The following PTPRD variants were observed in gnomAD, a reference collection of about 807,000 sequenced individuals.
PTPRD encodes receptor-type tyrosine-protein phosphatase delta.
PTPRD carries 34 observed loss-of-function variants against 214.5 expected under a neutral mutation model. The ratio of observed to expected loss-of-function variants is 0.16; its 90% CI spans 0.12 to 0.21. The LOEUF (loss-of-function observed/expected upper bound fraction) is 0.21. Among genes scored for constraint, PTPRD ranks in the 10% least tolerant of loss-of-function variants. The pLI is 1.00. For missense variants in PTPRD, 2,545 were observed against 2,398.7 expected, an observed-to-expected ratio of 1.06 and a Z score of -1.27; for synonymous variants, 1,128 against 845.7, an observed-to-expected ratio of 1.33 and a Z score of -5.79.
intron 11 of PTPRD, among the ~76,000 whole-genome samples, chr9:8,906,984 T>C (rs1488151862): frequency 2.0e-5 from 3 of 152,018 alleles, no homozygotes; most frequent in Non-Finnish European, 2.9e-5. Context: ...AAGGGCCCAG[T>C]GGAAAGTAAA....
At chr9:8,557,159 G>A (rs1318911388) in intron 14 of PTPRD, among the ~76,000 whole-genome samples, 1 of 151,962 alleles carries the variant, frequency 6.6e-6, no homozygotes, top group African/African-American at 2.4e-5. Flanking sequence ...TCTGTTAGCC[G>A]AGGTACAGGG....
rs139487333 is a variant in PTPRD at position 10,268,923 on chromosome 9, G to T, written c.-545+72040C>A. On this transcript the variant is annotated intron_variant, in intron 3 of 45. Transcript: ENST00000381196. Reference sequence around the variant, plus strand: ...ATTGGCATTATTTGTTGTCCTGTGCGTTGTAGAATGCCTGGCAGTATCCCT... The same window carrying T: ...ATTGGCATTATTTGTTGTCCTGTGCTTTGTAGAATGCCTGGCAGTATCCCT... Among the ~76,000 whole-genome samples, 72 of 152,274 alleles carry T rather than the reference G, an allele frequency of 4.7e-4. 1 individual carries two copies. The highest frequency in any genetic ancestry group is 1.5e-3 in the African/African-American group (62 of 41,556).
intron 10 of PTPRD, among the ~76,000 whole-genome samples, chr9:9,054,744 T>G (rs1303153365): frequency 1.3e-5 from 2 of 152,186 alleles, no homozygotes; most frequent in African/African-American, 2.4e-5. Flanking sequence ...GTTGTGTGAT[T>G]TGGTAACTCG....
At chr9:9,811,339 G>A (rs561789121) in intron 5 of PTPRD, among the ~76,000 whole-genome samples, 9 of 152,300 alleles carry the variant, frequency 5.9e-5, no homozygotes, top group African/African-American at 2.2e-4. Flanking sequence ...TACAAGTGGA[G>A]CCTGAAGATG....
intron 3 of PTPRD, among the ~76,000 whole-genome samples, chr9:10,076,023 G>A (rs997418822): frequency 6.6e-5 from 10 of 152,034 alleles, no homozygotes; most frequent in Admixed American, 2.0e-4. Flanking sequence ...TTGAGTTCCT[G>A]ACAAAGGTTA....
chr9:10,517,609 T>C (rs536439025), intron 2 of PTPRD, among the ~76,000 whole-genome samples: 1 of 152,142 alleles, frequency 6.6e-6, no homozygotes, highest in Non-Finnish European at 1.5e-5. Context: ...TTATGTGTAG[T>C]ATATATATGA....
At chr9:8,842,200 A>C (rs1239716292) in intron 11 of PTPRD, among the ~76,000 whole-genome samples, 3 of 152,136 alleles carry the variant, frequency 2.0e-5, no homozygotes, top group Admixed American at 6.5e-5. Flanking sequence ...ACAGAAATTT[A>C]TAATGTGAAA....
intron 5 of PTPRD, among the ~76,000 whole-genome samples, chr9:9,873,278 T>C (rs1490137976): frequency 6.6e-6 from 1 of 152,152 alleles, no homozygotes; most frequent in African/African-American, 2.4e-5. Flanking sequence ...AGCTCTCTGC[T>C]TTCAGTGGTG....
At chr9:10,184,297 C>A (rs759183667) in intron 3 of PTPRD, among the ~76,000 whole-genome samples, 1 of 151,972 alleles carries the variant, frequency 6.6e-6, no homozygotes, top group Non-Finnish European at 1.5e-5. Flanking sequence ...TGGTGGCATG[C>A]GCCTGTAATC....
intron 11 of PTPRD, among the ~76,000 whole-genome samples, chr9:8,868,612 ATTATCT>A (rs2098240845): frequency 6.6e-6 from 1 of 152,120 alleles, no homozygotes; most frequent in Non-Finnish European, 1.5e-5. Context: ...ACTAGACTAG[ATTATCT>A]TTAAAGTTGT....
chr9:8,691,901 T>C, intron 12 of PTPRD, among the ~76,000 whole-genome samples: 1 of 152,168 alleles, frequency 6.6e-6, no homozygotes, highest in East Asian at 1.9e-4. Context: ...AGTCTTGAAA[T>C]AGTGCCATTC....
intron 2 of PTPRD, among the ~76,000 whole-genome samples, chr9:10,431,308 G>A (rs899025677): frequency 1.6e-4 from 24 of 151,976 alleles, no homozygotes; most frequent in Admixed American, 2.6e-4. Context: ...AGACTTAAAC[G>A]TTAGACCTAA....
intron 4 of PTPRD, among the ~76,000 whole-genome samples, chr9:9,979,720 A>G (rs1170472298): frequency 6.6e-6 from 1 of 152,186 alleles, no homozygotes; most frequent in Admixed American, 6.5e-5. Context: ...ATTCTGACTA[A>G]AGATTGCAAC....
chr9:8,730,610 G>A (rs939106875), intron 12 of PTPRD, among the ~76,000 whole-genome samples: 21 of 152,258 alleles, frequency 1.4e-4, no homozygotes, highest in African/African-American at 5.1e-4. Context: ...TCTGCATTTA[G>A]TTTTTCTTTT....
At chr9:9,680,845 T>C (rs1471014275) in intron 7 of PTPRD, among the ~76,000 whole-genome samples, 2 of 151,784 alleles carry the variant, frequency 1.3e-5, no homozygotes, top group East Asian at 1.9e-4. Context: ...CCTCCTCTTG[T>C]GGGTGAGCTG....
chr9:9,662,958 C>A (rs970525265), intron 7 of PTPRD, among the ~76,000 whole-genome samples: 1 of 151,498 alleles, frequency 6.6e-6, no homozygotes, highest in African/African-American at 2.4e-5. Context: ...ATGGAGGCAT[C>A]AGTTGGGCTC....
chr9:10,578,263 C>A (rs527789272), intron 2 of PTPRD, among the ~76,000 whole-genome samples: 1 of 152,106 alleles, frequency 6.6e-6, no homozygotes, highest in East Asian at 1.9e-4. Flanking sequence ...ATTTTCTAAA[C>A]ACAATTAGAT....
intron 8 of PTPRD, among the ~76,000 whole-genome samples, chr9:9,468,356 T>C (rs1253834287): frequency 6.6e-6 from 1 of 152,142 alleles, no homozygotes; most frequent in Non-Finnish European, 1.5e-5. Context: ...CAAAAAATAA[T>C]CTTTACTAAG....
chr9:8,641,970 G>C (rs894835606), intron 12 of PTPRD, among the ~76,000 whole-genome samples: 1 of 152,124 alleles, frequency 6.6e-6, no homozygotes, highest in Non-Finnish European at 1.5e-5. Context: ...AACTGCTTTT[G>C]TCTGTCCTTA....
Sources: gnomAD v4.1 joint callset for allele counts (sites outside exome capture counted in the v4.1 genomes callset) on GRCh38, gnomAD v4.1.1 for gene constraint, MANE v1.5 for transcripts, NCBI Gene and HGNC (gene_info 2026-07-23, HGNC 2026-07-21) for gene names.